Variants in KCNQ1OT1 observed in about 807,000 individuals in gnomAD.
KCNQ1OT1 encodes the protein KCNQ1 opposite strand/antisense transcript 1.
exon 1 of KCNQ1OT1, chr11:2,681,715 T>A (rs930215709): frequency 1.0e-5 from 4 of 391,338 alleles, no homozygotes; most frequent in African/African-American, 8.5e-5. Flanking sequence ...TGTCTGTTCC[T>A]CTATTCAGTA....
At chr11:2,694,240 A>G (rs748022688) in exon 1 of KCNQ1OT1, 3 of 398,576 alleles carry the variant, frequency 7.5e-6, no homozygotes, top group Non-Finnish European at 8.8e-6. Context: ...GGCAGGATGC[A>G]AGCCAGGGCC....
exon 1 of KCNQ1OT1, chr11:2,689,573 T>C: frequency 2.5e-6 from 1 of 398,666 alleles, no homozygotes; most frequent in East Asian, 3.6e-5. Context: ...TGTGGAAATC[T>C]GTTAGCAGTG....
exon 1 of KCNQ1OT1, chr11:2,650,385 C>T (rs1849738694): frequency 2.5e-6 from 1 of 398,574 alleles, no homozygotes; most frequent in African/African-American, 2.1e-5. Context: ...ACAGAGACTT[C>T]CAATTTTATG....
At chr11:2,694,690 T>C (rs1590037434) in exon 1 of KCNQ1OT1, 1 of 398,566 alleles carries the variant, frequency 2.5e-6, no homozygotes, top group Non-Finnish European at 4.4e-6. Context: ...ACAGATATGC[T>C]CTCTTGGGGC....
At chr11:2,689,579 C>CA (rs1850555647) in exon 1 of KCNQ1OT1, 2 of 398,540 alleles carry the variant, frequency 5.0e-6, no homozygotes, top group South Asian at 1.3e-4. Context: ...AATCTGTTAG[C>CA]AGTGGTGTCT....
Position 2,682,556 on chromosome 11 carries a change from T to C in KCNQ1OT1, n.17439A>G, listed in dbSNP as rs967196586. 1 of 398,550 alleles carries C rather than the reference T, an allele frequency of 2.5e-6. No individual in the cohort carries two copies. The highest frequency in any genetic ancestry group is 4.4e-5 in the Admixed American group (1 of 22,720). The allele number at this position is 398,550 out of a possible 1,614,324, so 24.7% of individuals were successfully genotyped here. The stretch of plus-strand genomic sequence containing the variant: ...TGCTAGGACCCTGGCAGGGGTTCCA[T>C]AAGGCTATGCTGGGGTTCAGGCAAC... On this transcript the variant is annotated non_coding_transcript_exon_variant, in exon 1 of 1. Transcript: ENST00000597346. This position sits in a 1 kb window ranked among gnomAD's most constrained non-coding sequence, Gnocchi z 5.8.
In KCNQ1OT1 at chr11:2,682,073, G is replaced by T; in HGVS notation, n.17922C>A. 2.5e-6 allele frequency: 1 copy of T among 398,612 alleles called. No homozygotes were observed. The allele number at this position is 398,612 out of a possible 1,614,324, so 24.7% of individuals were successfully genotyped here. A position where few individuals can be genotyped will look rare whatever the true frequency, so the allele number is the denominator to read the frequency against. On this transcript the variant is annotated non_coding_transcript_exon_variant, in exon 1 of 1. Transcript: ENST00000597346. This position sits in a 1 kb window ranked among gnomAD's most constrained non-coding sequence, Gnocchi z 5.8. ...ATAATCTCCTAAGGGTTGAGGGATT[G>T]AGTCTAGGGCCCAGGGTCACAAAGC... is the stretch of plus-strand genomic sequence containing the variant.
chr11:2,670,975 G>A lies in KCNQ1OT1; in HGVS notation n.29020C>T, dbSNP rs1850172843. On this transcript the variant is annotated non_coding_transcript_exon_variant, in exon 1 of 1. Transcript: ENST00000597346. The surrounding 1 kb of genome is among the most constrained non-coding windows in gnomAD (Gnocchi z 4.9). ...TTCTTATGGTGCCCCAGAGCCCCTGGCTAGGCATTCATGCTTTAGATATGT... is the reference window on the plus strand; with the variant it reads ...TTCTTATGGTGCCCCAGAGCCCCTGACTAGGCATTCATGCTTTAGATATGT... 2.5e-6 allele frequency: 1 copy of A among 398,542 alleles called. No homozygotes were observed. The highest frequency in any genetic ancestry group is 2.1e-5 in the African/African-American group (1 of 48,632). 24.7% of individuals were successfully genotyped at this position (398,542 alleles called of 1,614,324 possible). A position where few individuals can be genotyped will look rare whatever the true frequency, so the allele number is the denominator to read the frequency against.
chr11:2,680,276 A>C, exon 1 of KCNQ1OT1: 1 of 398,092 alleles, frequency 2.5e-6, no homozygotes. Flanking sequence ...TTGTTATTGA[A>C]ACTTCATTCA....
chr11:2,644,073 G>A (rs568736209), exon 1 of KCNQ1OT1: 1 of 398,480 alleles, frequency 2.5e-6, no homozygotes, highest in Admixed American at 4.4e-5. Context: ...ATGTGCTGTG[G>A]AAAAGACCTT....
rs7943802 is a variant in KCNQ1OT1, at chr11:2,612,842, C to T, written n.87153G>A. ...TAAAAACTTACTTTAGATAATATAT[C>T]GTAGAAACTCTGGATTCTAGTTCTT... On this transcript the variant is annotated non_coding_transcript_exon_variant, in exon 1 of 1. Coordinates refer to ENST00000597346, the Ensembl canonical transcript of KCNQ1OT1. The surrounding 1 kb of genome is among the most constrained non-coding windows in gnomAD (Gnocchi z 5.5). 8,554 of 398,332 alleles carry T rather than the reference C, an allele frequency of 0.021. 472 individuals carry two copies. Among genetic ancestry groups the T allele is most frequent in the African/African-American group, 0.14 (6,661 of 48,574 alleles). 24.7% of individuals were successfully genotyped at this position (398,332 alleles called of 1,614,324 possible). A position where few individuals can be genotyped will look rare whatever the true frequency, so the allele number is the denominator to read the frequency against.
chr11:2,614,652 C>A (rs988986881), exon 1 of KCNQ1OT1: 4 of 398,294 alleles, frequency 1.0e-5, no homozygotes, highest in African/African-American at 4.1e-5. Flanking sequence ...CCACTGAATT[C>A]TTGATACATT....
At position 2,661,542 on chromosome 11, in the gene KCNQ1OT1, C is replaced by T. The variant is rs376288282; in HGVS notation, n.38453G>A. On this transcript the variant is annotated non_coding_transcript_exon_variant, in exon 1 of 1. Transcript: ENST00000597346. The surrounding 1 kb of genome is among the most constrained non-coding windows in gnomAD (Gnocchi z 5.9). ...TCACCCCATCTTTCCTGACCCACTA[C>T]TCTGTCAATGTATGAGTGTGACAAT... 4.0e-6 allele frequency: 2 copies of T among 502,650 alleles called. No homozygotes were observed. The highest frequency in any genetic ancestry group is 7.0e-6 in the Non-Finnish European group (2 of 285,650). The allele number at this position is 502,650 out of a possible 1,614,324, so 31.1% of individuals were successfully genotyped here. A position where few individuals can be genotyped will look rare whatever the true frequency, so the allele number is the denominator to read the frequency against.
At chr11:2,693,694 C>G (rs1213409471) in exon 1 of KCNQ1OT1, 3 of 398,588 alleles carry the variant, frequency 7.5e-6, no homozygotes, top group African/African-American at 4.1e-5. Flanking sequence ...TGGGTGCGCT[C>G]CAGCCTCATG....
exon 1 of KCNQ1OT1, chr11:2,662,338 T>C (rs1307232942): frequency 5.2e-6 from 3 of 573,320 alleles, no homozygotes; most frequent in South Asian, 4.7e-5. Context: ...TCCACTTGTT[T>C]TCATGCTTTG....
Position 2,608,869 on chromosome 11 carries a change from C to A in KCNQ1OT1, n.91126G>T. The stretch of plus-strand genomic sequence containing the variant: ...GAGTTTTCTCTCTCCCCCTTTGCCT[C>A]ATGCACTTCCCTCTCTGTCTTTCCT... On this transcript the variant is annotated non_coding_transcript_exon_variant, in exon 1 of 1. Coordinates refer to ENST00000597346, the Ensembl canonical transcript of KCNQ1OT1. This position sits in a 1 kb window ranked among gnomAD's most constrained non-coding sequence, Gnocchi z 4.6. 2.5e-6 allele frequency: 1 copy of A among 398,468 alleles called. No homozygotes were observed. 24.7% of individuals were successfully genotyped at this position (398,468 alleles called of 1,614,324 possible). A position where few individuals can be genotyped will look rare whatever the true frequency, so the allele number is the denominator to read the frequency against.
chr11:2,685,448 A>T (rs1850470878), exon 1 of KCNQ1OT1: 3 of 398,596 alleles, frequency 7.5e-6, no homozygotes, highest in Admixed American at 4.4e-5. Context: ...AGAAGCCCTT[A>T]TCCAGAAGCC....
At chr11:2,667,603 C>T (rs774413448) in exon 1 of KCNQ1OT1, 4 of 398,284 alleles carry the variant, frequency 1.0e-5, no homozygotes, top group Non-Finnish European at 1.8e-5. Flanking sequence ...GGGCGGGGGG[C>T]ACATCCCATA....
chr11:2,698,101 G>T lies in KCNQ1OT1; in HGVS notation n.1894C>A. 1 of 398,672 alleles carries T rather than the reference G, an allele frequency of 2.5e-6. No homozygotes were observed. The highest frequency in any genetic ancestry group is 4.4e-6 in the Non-Finnish European group (1 of 226,084). The allele number at this position is 398,672 out of a possible 1,614,324, so 24.7% of individuals were successfully genotyped here. A position where few individuals can be genotyped will look rare whatever the true frequency, so the allele number is the denominator to read the frequency against. ...TCAAGTACTGACTGAGTAAGGCTGTGTATCAGGCTCTTGGCTGGGTACAGA... is the reference window on the plus strand; with the variant it reads ...TCAAGTACTGACTGAGTAAGGCTGTTTATCAGGCTCTTGGCTGGGTACAGA... On this transcript the variant is annotated non_coding_transcript_exon_variant, in exon 1 of 1. Transcript: ENST00000597346. This position sits in a 1 kb window ranked among gnomAD's most constrained non-coding sequence, Gnocchi z 5.1.
Sources: allele counts gnomAD v4.1 joint callset, GRCh38; gene constraint gnomAD v4.1.1; non-coding constraint Gnocchi (gnomAD v3.1); transcripts MANE v1.5; gene names NCBI Gene and HGNC (gene_info 2026-07-23, HGNC 2026-07-21).